SLMAP: variants seen among roughly 807,000 people sequenced by gnomAD.
SLMAP encodes the protein sarcolemma associated protein, also known as sarcolemmal membrane-associated protein.
SLMAP carries 44 observed loss-of-function variants against 128.8 expected under a neutral mutation model. That is an observed-to-expected ratio of 0.34 (90% CI 0.27 to 0.44). SLMAP has a LOEUF of 0.44. Among genes scored for constraint, SLMAP ranks in the 20% least tolerant of loss-of-function variants. The probability of loss-of-function intolerance (pLI) is 1.00; values close to 1 mark genes in which losing one functional copy is unlikely to be tolerated. For synonymous variants in SLMAP, 327 were observed against 348.8 expected (o/e 0.94, Z 0.70); for missense variants, 787 against 985.3 (o/e 0.80, Z 2.69).
At chr3:57,873,582 C>T (rs1413093405) in intron 14 of SLMAP, among the ~76,000 whole-genome samples, 1 of 152,152 alleles carries the variant, frequency 6.6e-6, no homozygotes, top group African/African-American at 2.4e-5. Context: ...TTGTTACCTT[C>T]TGATTACTAA....
chr3:57,896,463 A>T (rs1411548331), intron 15 of SLMAP, 48 bp from the exon 16 acceptor site: 1 of 1,525,956 alleles, frequency 6.6e-7, no homozygotes, highest in Middle Eastern at 1.8e-4. Context: ...TTATTGATAT[A>T]AGATATTTAA....
intron 3 of SLMAP, among the ~76,000 whole-genome samples, chr3:57,834,283 A>G (rs1265661593): frequency 6.6e-6 from 1 of 152,196 alleles, no homozygotes; most frequent in African/African-American, 2.4e-5. Context: ...ACAAGGGATA[A>G]ACAAACCCAG....
intron 17 of SLMAP, chr3:57,900,412 C>T (rs1306800403): frequency 6.6e-6 from 1 of 152,090 alleles, no homozygotes; most frequent in Non-Finnish European, 1.5e-5. Context: ...TGCTTGAAAC[C>T]ATCTCCCATA....
At chr3:57,885,148 C>T (rs1437998456) in intron 14 of SLMAP, among the ~76,000 whole-genome samples, 2 of 151,166 alleles carry the variant, frequency 1.3e-5, no homozygotes, top group Admixed American at 1.3e-4. Flanking sequence ...TCTCGGCTCA[C>T]CACAACCTCC....
chr3:57,908,745 A>G, intron 18 of SLMAP, among the ~76,000 whole-genome samples: 1 of 152,238 alleles, frequency 6.6e-6, no homozygotes, highest in Non-Finnish European at 1.5e-5. Flanking sequence ...AGTAAATATA[A>G]GAATTTTAAG....
chr3:57,910,637 A>C (rs2096671975), intron 19 of SLMAP, among the ~76,000 whole-genome samples: 2 of 152,210 alleles, frequency 1.3e-5, no homozygotes, highest in Non-Finnish European at 2.9e-5. Flanking sequence ...TGCCTGTCGA[A>C]TGTTTACTTC....
chr3:57,906,129 C>G (rs1465505029), intron 17 of SLMAP, among the ~76,000 whole-genome samples: 18 of 150,096 alleles, frequency 1.2e-4, no homozygotes, highest in Admixed American at 1.2e-3. Flanking sequence ...TTTGCAGACT[C>G]CAGTGGATAG....
chr3:57,896,874 C>T lies in SLMAP; in HGVS notation c.1443C>T (p.Asp481=), dbSNP rs17058639. 0.26 allele frequency: 422,951 copies of T among 1,602,862 alleles called. 59,358 individuals carry two copies. Among genetic ancestry groups the T allele is most frequent in the East Asian group, 0.52 (23,103 of 44,696 alleles). The change falls in exon 17 of 25, where the codon GAC becomes GAT. Residue 481 remains aspartate (D), a splice_region_variant and synonymous_variant. Transcript: ENST00000671191. ...TATGTATTTTTTTCCTCTCTGTAGACGCCCAAATGGATGAGCAAGACCTAA... is the reference window on the plus strand; with the variant it reads ...TATGTATTTTTTTCCTCTCTGTAGATGCCCAAATGGATGAGCAAGACCTAA... The part of the protein sequence containing the change: ...SKEKSSDDTT[D]AQMDEQDLNE...
At chr3:57,833,810 A>G (rs1356850008) in intron 3 of SLMAP, among the ~76,000 whole-genome samples, 1 of 152,100 alleles carries the variant, frequency 6.6e-6, no homozygotes, top group East Asian at 1.9e-4. Flanking sequence ...AAAACTTGCA[A>G]CATTTAAAAT....
intron 3 of SLMAP, among the ~76,000 whole-genome samples, chr3:57,838,796 G>A (rs542682206): frequency 5.5e-4 from 84 of 152,276 alleles, no homozygotes; most frequent in African/African-American, 1.9e-3. Context: ...GAAAGGTAAA[G>A]TGCTTGGAGA....
chr3:57,922,776 G>C, intron 22 of SLMAP, 113 bp from the exon 23 acceptor site: 1 of 957,396 alleles, frequency 1.0e-6, no homozygotes, highest in Non-Finnish European at 1.5e-6. Context: ...AAAAAGACTT[G>C]ACTTTGGTGT....
chr3:57,897,061 G>A, intron 17 of SLMAP, 129 bp downstream of exon 17: 1 of 1,437,318 alleles, frequency 7.0e-7, no homozygotes, highest in Non-Finnish European at 9.1e-7. Flanking sequence ...CTGTAAAGTA[G>A]CAGGGACTAA....
chr3:57,869,984 A>G (rs1404655315), intron 13 of SLMAP, among the ~76,000 whole-genome samples: 2 of 151,886 alleles, frequency 1.3e-5, no homozygotes, highest in Non-Finnish European at 2.9e-5. Context: ...ATCTTTTTAT[A>G]TTAATATCAG....
rs2094612076 is a variant in SLMAP at position 57,853,958 on chromosome 3, TATATATATATATATATATATATA to T, written c.520-3774_520-3752del. ...TTCTGTCTCAAAAAAAAAAAAATTA[TATATATATATATATATATATATA>T]TATATATATATATATATATTTACAT... On this transcript the variant is annotated intron_variant, in intron 6 of 24. Coordinates refer to ENST00000671191, the MANE Select transcript of SLMAP (RefSeq NM_001377540.1). Among the ~76,000 whole-genome samples, 66 of 51,846 alleles carry T rather than the reference TATATATATATATATATATATATA, an allele frequency of 1.3e-3. 2 individuals are homozygous for T. The highest frequency in any genetic ancestry group is 1.9e-3 in the Admixed American group (9 of 4,786). 34.0% of individuals were successfully genotyped at this position (51,846 alleles called of 152,430 possible). A position where few individuals can be genotyped will look rare whatever the true frequency, so the allele number is the denominator to read the frequency against.
At chr3:57,782,930 TA>T (rs2083357342) in intron 2 of SLMAP, among the ~76,000 whole-genome samples, 1 of 152,228 alleles carries the variant, frequency 6.6e-6, no homozygotes, top group Admixed American at 6.5e-5. Flanking sequence ...AGGCCCTCAC[TA>T]GATGATGGCA....
intron 2 of SLMAP, among the ~76,000 whole-genome samples, chr3:57,766,485 T>C (rs978227587): frequency 1.3e-5 from 2 of 152,160 alleles, no homozygotes; most frequent in African/African-American, 4.8e-5. Flanking sequence ...AATGGTGGCA[T>C]TTATTAGCGG....
In SLMAP at chr3:57,832,024, A is replaced by AGGCAAAAAG. The variant is rs1190138163; in HGVS notation, c.346+496_346+504dup. 3.9e-5 allele frequency among the ~76,000 whole-genome samples: 6 copies of AGGCAAAAAG among 152,254 alleles called. No individual in the cohort carries two copies. The East Asian group carries it at 1.2e-3, about 29-fold the overall frequency. ...ATCATTTTCCTCACACCAGTATCCT[A>AGGCAAAAAG]GGCAAAAAGGATGAGGCGGGGATAA... On this transcript the variant is annotated intron_variant, in intron 3 of 24. Transcript: ENST00000671191.
At chr3:57,919,107 G>A (rs570386598) in intron 22 of SLMAP, among the ~76,000 whole-genome samples, 3 of 152,166 alleles carry the variant, frequency 2.0e-5, no homozygotes, top group Non-Finnish European at 4.4e-5. Flanking sequence ...TTGGCTGGGC[G>A]CCGTGGCTCA....
intron 22 of SLMAP, among the ~76,000 whole-genome samples, chr3:57,920,508 AGT>A (rs1240312542): frequency 1.3e-5 from 2 of 152,104 alleles, no homozygotes; most frequent in African/African-American, 4.8e-5. Context: ...GCTCCTGATA[AGT>A]CATTCCAAGG....
Sources: gnomAD v4.1 joint callset for allele counts (sites outside exome capture counted in the v4.1 genomes callset) on GRCh38, gnomAD v4.1.1 for gene constraint, MANE v1.5 for transcripts, NCBI Gene and HGNC (gene_info 2026-07-23, HGNC 2026-07-21) for gene names.